NRXN3: variants seen among roughly 807,000 people sequenced by gnomAD.
NRXN3 encodes the protein neurexin 3.
NRXN3 carries 32 observed loss-of-function variants against 137.6 expected under a neutral mutation model. The ratio of observed to expected loss-of-function variants is 0.23; its 90% CI spans 0.18 to 0.31. The LOEUF (loss-of-function observed/expected upper bound fraction) is 0.31. Among genes scored for constraint, NRXN3 ranks in the 10% least tolerant of loss-of-function variants. NRXN3 has a pLI of 1.00. For synonymous variants in NRXN3, 798 were observed against 784.5 expected, an observed-to-expected ratio of 1.02 and a Z score of -0.29; for missense variants, 1,574 against 2,062.5, an observed-to-expected ratio of 0.76 and a Z score of 4.59.
chr14:78,913,981 C>T lies in NRXN3; in HGVS notation c.2276-43261C>T, dbSNP rs1203165900. ...TCTGCCTGGACTGACACATCCCAGT[C>T]CTATTCCCAGTTCTGTGCCGGAGTC... On this transcript the variant is annotated intron_variant, in intron 10 of 20. Transcript: ENST00000335750. Among the ~76,000 whole-genome samples, 4 of 152,256 alleles carry T rather than the reference C, an allele frequency of 2.6e-5. No individual in the cohort carries two copies. The East Asian group carries it at 7.7e-4, about 29-fold the overall frequency.
At chr14:79,845,659 G>A (rs974244668) in intron 20 of NRXN3, among the ~76,000 whole-genome samples, 1 of 114,486 alleles carries the variant, frequency 8.7e-6, no homozygotes, top group East Asian at 2.7e-4. Context: ...AGACGGAGAC[G>A]GGGAGAGAGA....
At chr14:79,139,570 T>C (rs2058593650) in intron 15 of NRXN3, among the ~76,000 whole-genome samples, 1 of 152,108 alleles carries the variant, frequency 6.6e-6, no homozygotes, top group Admixed American at 6.6e-5. Context: ...CTAATGAATA[T>C]CTAGAAAACA....
intron 8 of NRXN3, among the ~76,000 whole-genome samples, chr14:78,776,963 G>A (rs2098746661): frequency 6.6e-6 from 1 of 152,120 alleles, no homozygotes; most frequent in African/African-American, 2.4e-5. Context: ...TGATGTTGCT[G>A]GTCTCAGAGC....
intron 16 of NRXN3, among the ~76,000 whole-genome samples, chr14:79,623,277 C>T (rs2098244549): frequency 6.6e-6 from 1 of 152,170 alleles, no homozygotes; most frequent in Non-Finnish European, 1.5e-5. Context: ...CCTCCTTGGC[C>T]ACACTTTGTC....
At chr14:79,560,619 C>G (rs945922528) in intron 16 of NRXN3, among the ~76,000 whole-genome samples, 1 of 145,330 alleles carries the variant, frequency 6.9e-6, no homozygotes, top group Non-Finnish European at 1.5e-5. Flanking sequence ...GAAGCCATTC[C>G]CCTCCCTCAG....
At chr14:78,343,568 T>C (rs2082375641) in intron 4 of NRXN3, among the ~76,000 whole-genome samples, 1 of 152,208 alleles carries the variant, frequency 6.6e-6, no homozygotes. Flanking sequence ...GAAATAGAAT[T>C]TTAAGGGAGC....
intron 10 of NRXN3, among the ~76,000 whole-genome samples, chr14:78,892,774 C>CTGTGTGTGTGTGTGTGTGTGTGTGTG (rs58718552): frequency 6.4e-5 from 9 of 140,140 alleles, no homozygotes; most frequent in Admixed American, 2.2e-4. Flanking sequence ...CCCCCATCTT[C>CTGTGTGTGTGTGTGTGTGTGTGTGTG]TGTGTGTGTG....
At chr14:79,716,796 C>G (rs2098825111) in intron 19 of NRXN3, among the ~76,000 whole-genome samples, 1 of 152,176 alleles carries the variant, frequency 6.6e-6, no homozygotes, top group African/African-American at 2.4e-5. Flanking sequence ...GATTACAAAA[C>G]TTTCATGCCT....
intron 14 of NRXN3, among the ~76,000 whole-genome samples, chr14:78,970,652 G>C (rs1469461805): frequency 1.3e-5 from 2 of 152,188 alleles, no homozygotes; most frequent in Non-Finnish European, 2.9e-5. Context: ...TCACTTAAGA[G>C]AGTTTTAAGA....
At chr14:79,669,646 C>T (rs1646894368) in intron 17 of NRXN3, among the ~76,000 whole-genome samples, 1 of 151,996 alleles carries the variant, frequency 6.6e-6, no homozygotes, top group Admixed American at 6.6e-5. Context: ...TTGAGAATCC[C>T]CTGGGAAGTT....
intron 1 of NRXN3, among the ~76,000 whole-genome samples, chr14:78,201,964 C>T (rs556761133): frequency 3.3e-5 from 5 of 152,360 alleles, no homozygotes; most frequent in African/African-American, 4.8e-5. Context: ...TTGGCTACAG[C>T]GACCAAGGCC....
chr14:78,290,770 G>A (rs1020641601), intron 3 of NRXN3, among the ~76,000 whole-genome samples: 3 of 152,208 alleles, frequency 2.0e-5, no homozygotes, highest in African/African-American at 7.2e-5. Flanking sequence ...CAGTCTGCAT[G>A]TCTCTTGAGT....
At position 78,821,745 on chromosome 14, in the gene NRXN3, G is replaced by C. The variant is rs57074623; in HGVS notation, c.2275+11401G>C. Among the ~76,000 whole-genome samples the C allele has an allele frequency of 7.3e-3, 1,109 of 152,110 alleles. 19 individuals are homozygous for C. Among genetic ancestry groups the C allele is most frequent in the South Asian group, 0.032 (155 of 4,820 alleles). ...GGGCCGGTTATCTCTGGCTAGAGAA[G>C]GATTACCATTTCCTTACAAAAAGAA... On this transcript the variant is annotated intron_variant, in intron 10 of 20. Coordinates refer to ENST00000335750, the MANE Select transcript of NRXN3 (RefSeq NM_001330195.2).
At chr14:78,227,246 A>G (rs1472160701) in intron 1 of NRXN3, among the ~76,000 whole-genome samples, 1 of 152,218 alleles carries the variant, frequency 6.6e-6, no homozygotes, top group Non-Finnish European at 1.5e-5. Flanking sequence ...CTTATTCAGA[A>G]GCTTGAATTT....
At chr14:79,423,704 C>G (rs780517970) in intron 15 of NRXN3, among the ~76,000 whole-genome samples, 13 of 152,180 alleles carry the variant, frequency 8.5e-5, no homozygotes, top group Non-Finnish European at 1.8e-4. Flanking sequence ...TTGGGCATAA[C>G]TGCTTTCTGG....
At chr14:79,155,944 T>C (rs2060217632) in intron 15 of NRXN3, among the ~76,000 whole-genome samples, 1 of 151,874 alleles carries the variant, frequency 6.6e-6, no homozygotes, top group Admixed American at 6.6e-5. Flanking sequence ...CTTTTATACA[T>C]AGATGTTTTC....
At chr14:78,233,688 CA>C (rs10673907) in intron 1 of NRXN3, among the ~76,000 whole-genome samples, 89 of 117,584 alleles carry the variant, frequency 7.6e-4, no homozygotes, top group Admixed American at 1.8e-3. Flanking sequence ...AAGTATGCTT[CA>C]AAAAAAAAAA....
chr14:78,595,910 A>G (rs985623767), intron 4 of NRXN3, among the ~76,000 whole-genome samples: 18 of 152,174 alleles, frequency 1.2e-4, no homozygotes, highest in African/African-American at 3.9e-4. Flanking sequence ...GGTTAAACCA[A>G]CAGCAATTTT....
chr14:78,780,773 A>G (rs1450545855), intron 8 of NRXN3, among the ~76,000 whole-genome samples: 1 of 152,230 alleles, frequency 6.6e-6, no homozygotes. Flanking sequence ...TCAAACCACC[A>G]GAGTAGCAAA....
Sources: allele counts gnomAD v4.1 joint callset (sites outside exome capture counted in the v4.1 genomes callset), GRCh38; gene constraint gnomAD v4.1.1; transcripts MANE v1.5; gene names NCBI Gene and HGNC (gene_info 2026-07-23, HGNC 2026-07-21).